The following RTL4 variants were observed in gnomAD, a reference collection of about 807,000 sequenced individuals.
The protein encoded by RTL4 is retrotransposon Gag like 4, also known as retrotransposon Gag-like protein 4.
Under a neutral mutation model 5.3 loss-of-function variants are expected in RTL4, and 4 were observed. The ratio of observed to expected loss-of-function variants is 0.75; its 90% CI spans 0.37 to 1.72. The LOEUF (loss-of-function observed/expected upper bound fraction) is 1.72. RTL4 is among the 40% of genes most tolerant of loss of function. The pLI, the probability that RTL4 is intolerant of heterozygous loss-of-function variation, is 0.04. For synonymous variants in RTL4, 98 were observed against 87.3 expected (o/e 1.12, Z -0.68); for missense variants, 260 against 227.1 (o/e 1.14, Z -0.93).
chrX:112,239,179 A>G, the RTL4 span, among the ~76,000 whole-genome samples: 3 of 111,332 alleles, frequency 2.7e-5, no homozygotes, highest in Non-Finnish European at 5.7e-5. Context: ...TCCCTGGCCT[A>G]GGATGATGTT....
chrX:112,341,095 C>T, the RTL4 span, among the ~76,000 whole-genome samples: 1 of 108,845 alleles, frequency 9.2e-6, no homozygotes, highest in Non-Finnish European at 1.9e-5. Flanking sequence ...TTATGAAATG[C>T]TTGATGTGGG....
At chrX:112,189,653 A>T in the RTL4 span, among the ~76,000 whole-genome samples, 2 of 111,110 alleles carry the variant, frequency 1.8e-5, no homozygotes, top group African/African-American at 3.3e-5. Flanking sequence ...AATCCCAGCC[A>T]CTTGGGAGGC....
chrX:112,440,107 A>C, the RTL4 span, among the ~76,000 whole-genome samples: 3 of 111,870 alleles, frequency 2.7e-5, no homozygotes, highest in African/African-American at 9.8e-5. Context: ...TGACAAATAC[A>C]TTTGAGGATG....
At chrX:112,102,038 T>A in the RTL4 span, among the ~76,000 whole-genome samples, 4 of 111,226 alleles carry the variant, frequency 3.6e-5, no homozygotes, top group African/African-American at 1.3e-4. Context: ...ATATGTTTCT[T>A]TTGTTTTAAG....
the RTL4 span, among the ~76,000 whole-genome samples, chrX:112,307,834 T>C: frequency 3.6e-5 from 4 of 111,899 alleles, no homozygotes; most frequent in Non-Finnish European, 7.5e-5. Flanking sequence ...CGGCCTGATA[T>C]CTACCCTCAC....
the RTL4 span, among the ~76,000 whole-genome samples, chrX:112,188,917 G>C: frequency 9.0e-6 from 1 of 110,966 alleles, no homozygotes; most frequent in South Asian, 3.9e-4. Flanking sequence ...ACTTACCCAT[G>C]GTCACACAGC....
chrX:112,103,978 T>C, the RTL4 span, among the ~76,000 whole-genome samples: 1,168 of 111,187 alleles, frequency 0.011, 8 homozygotes, highest in Non-Finnish European at 0.016. Context: ...TGTTGTACAA[T>C]AGATTGCTTG....
the RTL4 span, among the ~76,000 whole-genome samples, chrX:112,184,551 A>T: frequency 8.9e-6 from 1 of 111,898 alleles, no homozygotes; most frequent in Admixed American, 9.5e-5. Context: ...GAGGAAATCA[A>T]TTCTAGTCCA....
At chrX:112,433,258 A>C in the RTL4 span, among the ~76,000 whole-genome samples, 1 of 107,692 alleles carries the variant, frequency 9.3e-6, no homozygotes, top group Admixed American at 1.0e-4. Flanking sequence ...TTTTTTTCCA[A>C]TTCTGTGAAG....
the RTL4 span, among the ~76,000 whole-genome samples, chrX:112,315,285 A>G: frequency 3.6e-5 from 4 of 110,902 alleles, no homozygotes; most frequent in African/African-American, 1.3e-4. Flanking sequence ...TGAAGAGATG[A>G]GGTGGAGTGG....
At chrX:112,286,994 G>A in the RTL4 span, among the ~76,000 whole-genome samples, 63 of 111,601 alleles carry the variant, frequency 5.6e-4, no homozygotes, top group Non-Finnish European at 1.3e-4. Context: ...CATAGCAGTC[G>A]TGGCAAATTT....
chrX:112,088,190 C>T, the RTL4 span, among the ~76,000 whole-genome samples: 1 of 108,322 alleles, frequency 9.2e-6, no homozygotes, highest in African/African-American at 3.4e-5. Context: ...ATCCTGTATC[C>T]CTGAATCAAT....
chrX:112,103,424 A>G, the RTL4 span, among the ~76,000 whole-genome samples: 1 of 111,084 alleles, frequency 9.0e-6, no homozygotes, highest in Non-Finnish European at 1.9e-5. Flanking sequence ...CCTGTTGGCT[A>G]TGGGGGTGGA....
the RTL4 span, among the ~76,000 whole-genome samples, chrX:112,263,067 G>A: frequency 1.1e-5 from 1 of 93,462 alleles, no homozygotes; most frequent in Non-Finnish European, 2.1e-5. Context: ...GTTGGGGGGA[G>A]GGGGGAGGGA....
At chrX:112,234,061 G>A in the RTL4 span, among the ~76,000 whole-genome samples, 3 of 109,934 alleles carry the variant, frequency 2.7e-5, no homozygotes, top group Non-Finnish European at 3.8e-5. Flanking sequence ...GCATGGTGGC[G>A]GGTGCCTGTA....
chrX:112,175,765 C>T, the RTL4 span, among the ~76,000 whole-genome samples: 1 of 110,866 alleles, frequency 9.0e-6, no homozygotes, highest in African/African-American at 3.3e-5. Context: ...AAACCCACAG[C>T]CAATATCATA....
At chrX:112,286,328 T>C in the RTL4 span, among the ~76,000 whole-genome samples, 5 of 111,594 alleles carry the variant, frequency 4.5e-5, no homozygotes, top group African/African-American at 1.6e-4. Context: ...GTTAGAGAGG[T>C]AGCCAGGAGC....
chrX:112,209,264 G>T, the RTL4 span, among the ~76,000 whole-genome samples: 5 of 112,121 alleles, frequency 4.5e-5, 1 homozygote, highest in Admixed American at 1.9e-4. Context: ...TTCCAATCAT[G>T]CTTCTTCTAA....
the RTL4 span, among the ~76,000 whole-genome samples, chrX:112,379,846 A>G: frequency 1.8e-5 from 2 of 111,816 alleles, no homozygotes; most frequent in Admixed American, 9.5e-5. Context: ...ATTAATTTAT[A>G]TACAGTAAAT....
Sources: gnomAD v4.1 joint callset for allele counts (sites outside exome capture counted in the v4.1 genomes callset) on GRCh38, gnomAD v4.1.1 for gene constraint, MANE v1.5 for transcripts, NCBI Gene and HGNC (gene_info 2026-07-23, HGNC 2026-07-21) for gene names.